The following UNKL variants were observed in gnomAD, a reference collection of about 807,000 sequenced individuals.
The protein encoded by UNKL is unk like zinc finger.
A neutral mutation model predicts 78.0 loss-of-function variants in UNKL; 60 were observed. That is an observed-to-expected ratio of 0.77 (90% CI 0.63 to 0.95). UNKL has a LOEUF of 0.95. UNKL is among the 40% of genes least tolerant of loss of function. The pLI is 0.00. For synonymous variants in UNKL, 608 were observed against 474.8 expected (o/e 1.28, Z -3.65); for missense variants, 1,159 against 1,045.7 (o/e 1.11, Z -1.49).
At chr16:1,391,526 T>C (rs2037052694) in intron 8 of UNKL, among the ~76,000 whole-genome samples, 1 of 152,158 alleles carries the variant, frequency 6.6e-6, no homozygotes. Flanking sequence ...CTCGAACTCC[T>C]GACCTCGAGC....
chr16:1,367,380 C>CA lies in UNKL; in HGVS notation c.1789-32dup, dbSNP rs1567196390. 14 of 1,518,150 alleles carry CA rather than the reference C, an allele frequency of 9.2e-6. No homozygotes were observed. In the South Asian group the frequency reaches 1.5e-4, roughly 16 times the overall value. The allele number at this position is 1,518,150 out of a possible 1,614,324, so 94.0% of individuals were successfully genotyped here. A position where few individuals can be genotyped will look rare whatever the true frequency, so the allele number is the denominator to read the frequency against. On this transcript the variant is annotated intron_variant, in intron 13 of 14. Transcript: ENST00000389221. ...ACCCAGGGCCCGTCTCAGCACCCCC[C>CA]ACCTCACCTGTGCCACCTGCAGACC...
At chr16:1,368,070 CCGG>C in intron 12 of UNKL, 2 of 525,428 alleles carry the variant, frequency 3.8e-6, no homozygotes, top group Non-Finnish European at 3.4e-6. Flanking sequence ...CCTGCCCCGG[CCGG>C]TCTCCCCACC....
At chr16:1,414,510 G>A (rs1377454152) in intron 1 of UNKL, 105 bp downstream of exon 1, 3 of 243,766 alleles carry the variant, frequency 1.2e-5, no homozygotes, top group Non-Finnish European at 2.0e-5. Context: ...GGCGCTGCGC[G>A]GAGGCCGGGG....
At chr16:1,409,896 C>A (rs780155510) in intron 2 of UNKL, among the ~76,000 whole-genome samples, 11 of 152,010 alleles carry the variant, frequency 7.2e-5, no homozygotes, top group Non-Finnish European at 1.0e-4. Context: ...GCCTGGCCAA[C>A]ATGGTGAAAC....
intron 10 of UNKL, among the ~76,000 whole-genome samples, chr16:1,372,060 T>C (rs576378983): frequency 6.0e-5 from 9 of 150,294 alleles, no homozygotes; most frequent in African/African-American, 2.0e-4. Context: ...ATCGAGACCA[T>C]CCTGGCTAAC....
rs1221720482 is a variant in UNKL at position 1,385,383 on chromosome 16, G to A, written c.1089C>T (p.Asn363=). 3 of 1,386,370 alleles carry A rather than the reference G, an allele frequency of 2.2e-6. No homozygotes were observed. Among genetic ancestry groups the A allele is most frequent in the Non-Finnish European group, 2.8e-6 (3 of 1,072,688 alleles). The allele number at this position is 1,386,370 out of a possible 1,614,324, so 85.9% of individuals were successfully genotyped here. ...PRGSEQDSKQ[N]HLAVFAAVHP... ...GGACCGCTGCAAACACGGCCAGGTG[G>A]TTCTGTTCAAAGACATAAACACCGT... The change falls in exon 10 of 15, where the codon AAC becomes AAT. Residue 363 remains asparagine, a splice_region_variant and synonymous_variant. Transcript: ENST00000389221.
chr16:1,379,583 G>T (rs917822387), intron 10 of UNKL: 4 of 985,144 alleles, frequency 4.1e-6, no homozygotes, highest in Non-Finnish European at 2.4e-6. Context: ...GCCGAGTAAC[G>T]AGACCCGCAC....
intron 10 of UNKL, among the ~76,000 whole-genome samples, chr16:1,372,398 C>T (rs561019782): frequency 2.0e-5 from 3 of 152,338 alleles, no homozygotes; most frequent in Admixed American, 2.0e-4. Flanking sequence ...GAAGGACCCG[C>T]CTCAGAGTGG....
At chr16:1,381,156 C>A (rs1169874686) in intron 10 of UNKL, among the ~76,000 whole-genome samples, 1 of 152,330 alleles carries the variant, frequency 6.6e-6, no homozygotes, top group Non-Finnish European at 1.5e-5. Flanking sequence ...AGCACACAGG[C>A]ACCTGGGTCG....
chr16:1,403,149 C>T lies in UNKL; in HGVS notation c.464+19G>A, dbSNP rs768485585. ...CAGCAGCAGGCAGGCCAAGTGCCCA[C>T]TCGTGGATGCCCACTCACCTGACGT... On this transcript the variant is annotated intron_variant, in intron 3 of 14. Transcript: ENST00000389221. The surrounding 1 kb of genome is among the most constrained non-coding windows in gnomAD (Gnocchi z 4.8). 47 of 1,600,054 alleles carry T rather than the reference C, an allele frequency of 2.9e-5. No individual in the cohort carries two copies. The highest frequency in any genetic ancestry group is 3.8e-5 in the Non-Finnish European group (45 of 1,172,826).
At chr16:1,407,169 A>G (rs1408506117) in intron 2 of UNKL, 1 of 151,958 alleles carries the variant, frequency 6.6e-6, no homozygotes, top group East Asian at 1.9e-4. Flanking sequence ...AAGAAAGAAA[A>G]AAAAAAGATC....
intron 2 of UNKL, among the ~76,000 whole-genome samples, chr16:1,410,862 C>T (rs897369008): frequency 3.9e-5 from 6 of 152,188 alleles, no homozygotes; most frequent in Admixed American, 2.0e-4. Flanking sequence ...ACTTTCAGAA[C>T]CGCCTTGAAG....
intron 14 of UNKL, 99 bp downstream of exon 14, chr16:1,366,993 G>A: frequency 7.0e-7 from 1 of 1,435,574 alleles, no homozygotes; most frequent in Non-Finnish European, 9.1e-7. Flanking sequence ...CCTGGGGCAG[G>A]GGAGGAAGGG....
intron 2 of UNKL, among the ~76,000 whole-genome samples, chr16:1,410,794 C>T (rs532418227): frequency 1.1e-3 from 161 of 152,332 alleles, no homozygotes; most frequent in African/African-American, 3.7e-3. Context: ...AGACAAATAC[C>T]TGCCTTTGAA....
chr16:1,401,838 T>C, intron 3 of UNKL, 137 bp from the exon 4 acceptor site: 16 of 1,212,586 alleles, frequency 1.3e-5, no homozygotes, highest in Non-Finnish European at 1.8e-5. Flanking sequence ...GGAGTCTCAG[T>C]GTGTGGCGCT....
chr16:1,374,752 C>CA (rs1453920992), intron 10 of UNKL, among the ~76,000 whole-genome samples: 4 of 152,188 alleles, frequency 2.6e-5, no homozygotes, highest in Non-Finnish European at 5.9e-5. Context: ...GTCAGGGTGA[C>CA]AGCAGGTTCA....
At chr16:1,381,349 G>A in intron 10 of UNKL, among the ~76,000 whole-genome samples, 1 of 152,238 alleles carries the variant, frequency 6.6e-6, no homozygotes, top group East Asian at 1.9e-4. Flanking sequence ...ACCGGGTGTG[G>A]TGGCTCACGC....
At chr16:1,376,124 C>T (rs2036200708) in intron 10 of UNKL, among the ~76,000 whole-genome samples, 2 of 148,142 alleles carry the variant, frequency 1.4e-5, no homozygotes, top group African/African-American at 5.0e-5. Flanking sequence ...CTGGGGCACG[C>T]TCCTCCCTCC....
intron 10 of UNKL, chr16:1,379,599 C>T: frequency 1.0e-6 from 1 of 985,182 alleles, no homozygotes; most frequent in Non-Finnish European, 1.2e-6. Context: ...CGCACCTTGG[C>T]GGCGCACGGC....
Sources: allele counts gnomAD v4.1 joint callset (sites outside exome capture counted in the v4.1 genomes callset), GRCh38; gene constraint gnomAD v4.1.1; non-coding constraint Gnocchi (gnomAD v3.1); transcripts MANE v1.5; gene names NCBI Gene and HGNC (gene_info 2026-07-23, HGNC 2026-07-21).